The following TOP1 variants were observed in gnomAD, a reference collection of about 807,000 sequenced individuals.
The protein encoded by TOP1 is DNA topoisomerase I, also known as DNA topoisomerase 1.
In TOP1, 10 loss-of-function variants were observed where a neutral mutation model predicts 111.1. That is an observed-to-expected ratio of 0.09 (90% CI 0.06 to 0.15). The LOEUF is 0.15. Among genes scored for constraint, TOP1 ranks in the 10% least tolerant of loss-of-function variants. The pLI is 1.00. For missense variants in TOP1, 474 were observed against 926.7 expected, an observed-to-expected ratio of 0.51 and a Z score of 6.34; for synonymous variants, 271 against 302.9, an observed-to-expected ratio of 0.89 and a Z score of 1.10.
chr20:41,043,676 T>C (rs1438661340), intron 2 of TOP1, among the ~76,000 whole-genome samples: 1 of 152,212 alleles, frequency 6.6e-6, no homozygotes, highest in Non-Finnish European at 1.5e-5. Flanking sequence ...AGTATGGTCT[T>C]AGTGTGTTTG....
chr20:41,123,728 C>G lies in TOP1; in HGVS notation c.*431C>G, dbSNP rs2034454308. 1 of 232,388 alleles carries G rather than the reference C, an allele frequency of 4.3e-6. No individual in the cohort carries two copies. The highest frequency in any genetic ancestry group is 1.8e-4 in the South Asian group (1 of 5,526). The allele number at this position is 232,388 out of a possible 1,614,324, so 14.4% of individuals were successfully genotyped here. ...TTAATAGAAATAAATTCCTAAACTC[C>G]CTTCCCTCTCTCCCATTTCAGGAAT... On this transcript the variant is annotated 3_prime_UTR_variant, in exon 21 of 21. Transcript: ENST00000361337. This position sits in a 1 kb window ranked among gnomAD's most constrained non-coding sequence, Gnocchi z 5.8.
chr20:41,081,394 A>G (rs1033880914), intron 7 of TOP1, among the ~76,000 whole-genome samples, 154 bp downstream of exon 7: 1 of 152,174 alleles, frequency 6.6e-6, no homozygotes, highest in African/African-American at 2.4e-5. Context: ...TGGCACTGGT[A>G]GTTTTAAGAT....
Position 41,098,162 on chromosome 20 carries a change from T to C in TOP1, c.853-53T>C. 2 of 1,589,770 alleles carry C rather than the reference T, an allele frequency of 1.3e-6. No homozygotes were observed. Among genetic ancestry groups the C allele is most frequent in the South Asian group, 2.2e-5 (2 of 90,324 alleles). On this transcript the variant is annotated intron_variant, in intron 10 of 20. Transcript: ENST00000361337. This position sits in a 1 kb window ranked among gnomAD's most constrained non-coding sequence, Gnocchi z 5.7. The stretch of plus-strand genomic sequence containing the variant: ...GTATTTGCAAAGAAACCCAAGGACT[T>C]ATTAGTGTATTTTCGTTGTTTTTCT...
chr20:41,029,486 C>T lies in TOP1; in HGVS notation c.58+31C>T, dbSNP rs777763717. The T allele has an allele frequency of 2.6e-6, 4 of 1,539,316 alleles. No homozygotes were observed. The highest frequency in any genetic ancestry group is 1.2e-5 in the South Asian group (1 of 84,418). ...TGTGCCCCCTGCGCCGACTCCGGGG[C>T]CCCCCAGCCGCCGGCCGCCTCCCCC... On this transcript the variant is annotated intron_variant, in intron 2 of 20. Transcript: ENST00000361337. This position sits in a 1 kb window ranked among gnomAD's most constrained non-coding sequence, Gnocchi z 6.1.
At chr20:41,089,315 C>T (rs771143895) in intron 8 of TOP1, among the ~76,000 whole-genome samples, 38 of 152,112 alleles carry the variant, frequency 2.5e-4, no homozygotes, top group Non-Finnish European at 4.4e-4. Flanking sequence ...CGTGAGCCAC[C>T]GTGCCCAGCC....
chr20:41,038,427 T>C (rs1452004856), intron 2 of TOP1, among the ~76,000 whole-genome samples: 1 of 152,218 alleles, frequency 6.6e-6, no homozygotes, highest in East Asian at 1.9e-4. Context: ...ACAACACCTT[T>C]TTCAGAAATT....
rs563475016 is a variant in TOP1, at chr20:41,122,738, C to T, written c.2196-457C>T. On this transcript the variant is annotated intron_variant, in intron 20 of 20. Transcript: ENST00000361337. The surrounding 1 kb of genome is among the most constrained non-coding windows in gnomAD (Gnocchi z 5.4). ...TCTGAGCATAGGTGGAGATATCCTC[C>T]CCTATGGCACTTGCTAGTCCGGGCT... Among the ~76,000 whole-genome samples the T allele has an allele frequency of 3.3e-5, 5 of 152,300 alleles. No homozygotes were observed. Among genetic ancestry groups the T allele is most frequent in the African/African-American group, 1.2e-4 (5 of 41,568 alleles).
intron 3 of TOP1, chr20:41,072,584 C>T: frequency 1.0e-6 from 1 of 985,444 alleles, no homozygotes; most frequent in Non-Finnish European, 1.2e-6. Flanking sequence ...GCCTTTGCTA[C>T]TTCCTTCAGG....
chr20:41,045,463 T>A (rs11696151), intron 2 of TOP1, among the ~76,000 whole-genome samples: 7,232 of 152,290 alleles, frequency 0.047, 247 homozygotes, highest in South Asian at 0.1. Context: ...AGTTGTACGT[T>A]TTATTTGACC....
At position 41,082,754 on chromosome 20, in the gene TOP1, A is replaced by G. The variant is rs527666280; in HGVS notation, c.507+1514A>G. ...GAGAGTGAAATGTTAAGTAGTGATT[A>G]TGGTAGCCAATCACTCCACTTGCAT... On this transcript the variant is annotated intron_variant, in intron 7 of 20. Coordinates refer to ENST00000361337, the MANE Select transcript of TOP1 (RefSeq NM_003286.4). The surrounding 1 kb of genome is among the most constrained non-coding windows in gnomAD (Gnocchi z 4.1). 2.4e-4 allele frequency among the ~76,000 whole-genome samples: 37 copies of G among 152,332 alleles called. No homozygotes were observed. The highest frequency in any genetic ancestry group is 7.7e-4 in the African/African-American group (32 of 41,586).
chr20:41,063,432 T>G (rs2033570307), intron 3 of TOP1, among the ~76,000 whole-genome samples: 1 of 152,210 alleles, frequency 6.6e-6, no homozygotes, highest in African/African-American at 2.4e-5. Flanking sequence ...GTAAAATGAT[T>G]TGTTTTCTTT....
rs1600609923 is a variant in TOP1, at chr20:41,123,805, T to C, written c.*508T>C. 4.3e-6 allele frequency: 1 copy of C among 232,620 alleles called. No individual in the cohort carries two copies. Among genetic ancestry groups the C allele is most frequent in the African/African-American group, 2.2e-5 (1 of 45,264 alleles). The allele number at this position is 232,620 out of a possible 1,614,324, so 14.4% of individuals were successfully genotyped here. ...AGCGCACCTGTTAGAGTCGTCACTC[T>C]CTATTGTCATGGGGATCAATTTTCA... is the stretch of plus-strand genomic sequence containing the variant. On this transcript the variant is annotated 3_prime_UTR_variant, in exon 21 of 21. Transcript: ENST00000361337. This position sits in a 1 kb window ranked among gnomAD's most constrained non-coding sequence, Gnocchi z 5.8.
At chr20:41,056,745 G>A (rs1281451977) in intron 2 of TOP1, among the ~76,000 whole-genome samples, 2 of 152,164 alleles carry the variant, frequency 1.3e-5, no homozygotes, top group Non-Finnish European at 1.5e-5. Context: ...GCCTCCCAAA[G>A]TGTTGGGATT....
chr20:41,117,850 G>A (rs1309960284), intron 17 of TOP1, among the ~76,000 whole-genome samples: 1 of 152,140 alleles, frequency 6.6e-6, no homozygotes, highest in Non-Finnish European at 1.5e-5. Context: ...TGGGGAGGAA[G>A]CAAGGAGATG....
intron 8 of TOP1, among the ~76,000 whole-genome samples, chr20:41,090,693 G>GC (rs1488234171): frequency 6.6e-6 from 1 of 150,850 alleles, no homozygotes; most frequent in Non-Finnish European, 1.5e-5. Context: ...AGTAGAGACG[G>GC]GGGGGTCTCG....
At position 41,097,431 on chromosome 20, in the gene TOP1, T is replaced by C; in HGVS notation, c.852+90T>C. On this transcript the variant is annotated intron_variant, in intron 10 of 20. Coordinates refer to ENST00000361337, the MANE Select transcript of TOP1 (RefSeq NM_003286.4). The surrounding 1 kb of genome is among the most constrained non-coding windows in gnomAD (Gnocchi z 4.2). ...TATCATTTTGCAAAACATTTCCTGATGTAAAATTTGAGTTGTATGGATTTT... is the reference window on the plus strand; with the variant it reads ...TATCATTTTGCAAAACATTTCCTGACGTAAAATTTGAGTTGTATGGATTTT... 2 of 1,334,496 alleles carry C rather than the reference T, an allele frequency of 1.5e-6. No homozygotes were observed. The highest frequency in any genetic ancestry group is 1.5e-5 in the South Asian group (1 of 67,900). The allele number at this position is 1,334,496 out of a possible 1,614,324, so 82.7% of individuals were successfully genotyped here. A position where few individuals can be genotyped will look rare whatever the true frequency, so the allele number is the denominator to read the frequency against.
At chr20:41,041,938 T>C (rs2033272121) in intron 2 of TOP1, among the ~76,000 whole-genome samples, 1 of 152,082 alleles carries the variant, frequency 6.6e-6, no homozygotes, top group African/African-American at 2.4e-5. Flanking sequence ...AGACAGAGTC[T>C]CCCTTTGTCG....
intron 2 of TOP1, among the ~76,000 whole-genome samples, chr20:41,036,752 G>A (rs955601915): frequency 3.3e-5 from 5 of 151,972 alleles, no homozygotes; most frequent in Non-Finnish European, 7.4e-5. Flanking sequence ...GTTACAAAGC[G>A]GTCACTGTAA....
At chr20:41,108,892 T>C (rs1041147683) in intron 13 of TOP1, among the ~76,000 whole-genome samples, 1 of 152,370 alleles carries the variant, frequency 6.6e-6, no homozygotes, top group Non-Finnish European at 1.5e-5. Context: ...TTACCTGCTC[T>C]CACAACCCAG....
Sources: gnomAD v4.1 joint callset for allele counts (sites outside exome capture counted in the v4.1 genomes callset) on GRCh38, gnomAD v4.1.1 for gene constraint, Gnocchi (gnomAD v3.1) non-coding constraint, MANE v1.5 for transcripts, NCBI Gene and HGNC (gene_info 2026-07-23, HGNC 2026-07-21) for gene names.